SIPA1L3: variants seen among roughly 807,000 people sequenced by gnomAD.
The protein encoded by SIPA1L3 is signal induced proliferation associated 1 like 3.
In SIPA1L3, 59 loss-of-function variants were observed where a neutral mutation model predicts 150.1. The observed-to-expected ratio is 0.39, with a 90% CI of 0.32 to 0.49. SIPA1L3 has a LOEUF of 0.49. Among genes scored for constraint, SIPA1L3 ranks in the 20% least tolerant of loss-of-function variants. The probability of loss-of-function intolerance (pLI) is 0.86; values close to 1 mark genes in which losing one functional copy is unlikely to be tolerated. For synonymous variants in SIPA1L3, 1,070 were observed against 1,077.6 expected, an observed-to-expected ratio of 0.99 and a Z score of 0.14; for missense variants, 2,211 against 2,489.5, an observed-to-expected ratio of 0.89 and a Z score of 2.38.
intron 4 of SIPA1L3, among the ~76,000 whole-genome samples, chr19:38,091,558 G>A (rs1041121189): frequency 1.3e-5 from 2 of 152,172 alleles, no homozygotes; most frequent in African/African-American, 4.8e-5. Flanking sequence ...CTCATTTACA[G>A]ATGACAGAAC....
intron 11 of SIPA1L3, among the ~76,000 whole-genome samples, chr19:38,141,907 A>G (rs921234439): frequency 2.7e-4 from 41 of 152,240 alleles, no homozygotes; most frequent in Non-Finnish European, 5.3e-4. Context: ...GCTTGAGCCC[A>G]GAAGTTGGAG....
intron 1 of SIPA1L3, among the ~76,000 whole-genome samples, chr19:37,966,775 G>T (rs1599848743): frequency 6.6e-6 from 1 of 152,202 alleles, no homozygotes; most frequent in Non-Finnish European, 1.5e-5. Context: ...GGCACTGGGG[G>T]AAGGGAAAGG....
chr19:38,103,037 C>T (rs1217500375), intron 6 of SIPA1L3, among the ~76,000 whole-genome samples: 3 of 150,984 alleles, frequency 2.0e-5, no homozygotes, highest in Admixed American at 6.6e-5. Context: ...TGAGGCGAAT[C>T]GCTTGAACCC....
At chr19:38,166,586 G>T (rs1410604741) in intron 15 of SIPA1L3, among the ~76,000 whole-genome samples, 1 of 152,198 alleles carries the variant, frequency 6.6e-6, no homozygotes, top group East Asian at 1.9e-4. Flanking sequence ...GAGATGGAAA[G>T]AGTATTCTAC....
chr19:38,023,140 A>C, intron 1 of SIPA1L3, among the ~76,000 whole-genome samples: 1 of 152,198 alleles, frequency 6.6e-6, no homozygotes, highest in East Asian at 1.9e-4. Flanking sequence ...GGAGTTACTT[A>C]GGCTGGGCTG....
chr19:38,202,104 C>T (rs992939281), intron 20 of SIPA1L3, 107 bp downstream of exon 20: 32 of 1,149,986 alleles, frequency 2.8e-5, no homozygotes, highest in East Asian at 2.0e-4. Flanking sequence ...CACCACTCTC[C>T]GGGCGGAAGC....
intron 15 of SIPA1L3, among the ~76,000 whole-genome samples, chr19:38,171,513 C>T (rs1317589201): frequency 6.6e-6 from 1 of 151,596 alleles, no homozygotes; most frequent in South Asian, 2.1e-4. Context: ...CTGCCTCAGC[C>T]TCCCGAGTAG....
chr19:38,119,532 T>C lies in SIPA1L3; in HGVS notation c.2518T>C (p.Ser840Pro). 6.2e-7 allele frequency: 1 copy of C among 1,613,964 alleles called. No homozygotes were observed. Among genetic ancestry groups the C allele is most frequent in the African/African-American group, 1.3e-5 (1 of 74,978 alleles). Residue 840 changes from serine (S) to proline (P), a missense_variant, in exon 9 of 22, where the codon TCC becomes CCC. By Grantham distance (74) the Ser-to-Pro change is moderately conservative. Coordinates refer to ENST00000222345, the MANE Select transcript of SIPA1L3 (RefSeq NM_015073.3). ...ENCVSNTPID[S>P]TGKFNLISLT... Reference sequence around the variant, plus strand: ...CTGTGTCTCCAACACCCCCATCGACTCCACCGGCAAATTCAACCTCATCTC... The same window carrying C: ...CTGTGTCTCCAACACCCCCATCGACCCCACCGGCAAATTCAACCTCATCTC...
chr19:38,071,974 G>A (rs1969732712), intron 2 of SIPA1L3, among the ~76,000 whole-genome samples: 1 of 152,226 alleles, frequency 6.6e-6, no homozygotes, highest in East Asian at 1.9e-4. Flanking sequence ...AATCAGGTGG[G>A]TAGGGGGGTT....
chr19:38,002,123 G>T (rs1158742243), intron 1 of SIPA1L3, among the ~76,000 whole-genome samples: 1 of 152,184 alleles, frequency 6.6e-6, no homozygotes, highest in African/African-American at 2.4e-5. Flanking sequence ...ACATGGTTGT[G>T]CATCCATCAT....
At chr19:38,190,647 A>G (rs1972787674) in intron 16 of SIPA1L3, among the ~76,000 whole-genome samples, 1 of 152,234 alleles carries the variant, frequency 6.6e-6, no homozygotes, top group Non-Finnish European at 1.5e-5. Flanking sequence ...CTTGCATTAC[A>G]GAATGAAGAA....
chr19:38,191,853 C>G (rs1205525582), intron 16 of SIPA1L3, among the ~76,000 whole-genome samples: 2 of 152,200 alleles, frequency 1.3e-5, no homozygotes, highest in East Asian at 3.9e-4. Context: ...GGGGGTCTGT[C>G]TCTGTGCATG....
chr19:38,091,249 A>G (rs1023752138), intron 4 of SIPA1L3, among the ~76,000 whole-genome samples: 1 of 152,052 alleles, frequency 6.6e-6, no homozygotes, highest in Non-Finnish European at 1.5e-5. Flanking sequence ...AGCTGGGTAT[A>G]TTAGTGCACA....
At chr19:38,020,781 C>G (rs528524761) in intron 1 of SIPA1L3, among the ~76,000 whole-genome samples, 2 of 152,222 alleles carry the variant, frequency 1.3e-5, no homozygotes, top group South Asian at 4.1e-4. Flanking sequence ...ATCTTTGAGT[C>G]CCACAATTCA....
At chr19:38,049,943 A>T (rs960297414) in intron 2 of SIPA1L3, among the ~76,000 whole-genome samples, 2 of 152,048 alleles carry the variant, frequency 1.3e-5, no homozygotes, top group Non-Finnish European at 2.9e-5. Flanking sequence ...AACCTAATTC[A>T]GGCTCCCCTT....
chr19:38,021,316 AGGTTCAGT>A (rs1192244349), intron 1 of SIPA1L3, among the ~76,000 whole-genome samples: 1 of 152,178 alleles, frequency 6.6e-6, no homozygotes, highest in African/African-American at 2.4e-5. Flanking sequence ...AGAGGCTGGC[AGGTTCAGT>A]GGCTGACAGG....
chr19:38,202,115 T>G (rs1430626232), intron 20 of SIPA1L3, 118 bp downstream of exon 20: 1 of 999,894 alleles, frequency 1.0e-6, no homozygotes. Context: ...GGGCGGAAGC[T>G]GATATAGCAG....
intron 6 of SIPA1L3, among the ~76,000 whole-genome samples, chr19:38,105,617 A>G (rs1970604719): frequency 6.6e-6 from 1 of 152,180 alleles, no homozygotes; most frequent in South Asian, 2.1e-4. Context: ...ACTTACCTAC[A>G]CATCCCTGAC....
intron 1 of SIPA1L3, among the ~76,000 whole-genome samples, chr19:37,975,789 A>C (rs922514245): frequency 2.6e-5 from 4 of 152,018 alleles, no homozygotes; most frequent in African/African-American, 9.7e-5. Context: ...GCCTCTGGCT[A>C]CCACCCCCAG....
Sources: allele counts gnomAD v4.1 joint callset (sites outside exome capture counted in the v4.1 genomes callset), GRCh38; gene constraint gnomAD v4.1.1; transcripts MANE v1.5; gene names NCBI Gene and HGNC (gene_info 2026-07-23, HGNC 2026-07-21).